Variants in TXNL1 observed in about 807,000 individuals in gnomAD.
The protein encoded by TXNL1 is thioredoxin-like protein 1.
Under a neutral mutation model 35.5 loss-of-function variants are expected in TXNL1, and 14 were observed. The ratio of observed to expected loss-of-function variants is 0.39; its 90% CI spans 0.26 to 0.62. TXNL1 has a LOEUF of 0.62. TXNL1 is among the 20% of genes least tolerant of loss of function. The pLI is 0.47. For missense variants in TXNL1, 263 were observed against 349.7 expected (o/e 0.75, Z 1.98); for synonymous variants, 110 against 115.5 (o/e 0.95, Z 0.31).
intron 1 of TXNL1, among the ~76,000 whole-genome samples, 185 bp from the exon 2 acceptor site, chr18:56,626,642 G>A (rs553116584): frequency 4.0e-5 from 6 of 151,214 alleles, no homozygotes; most frequent in African/African-American, 1.2e-4. Context: ...TACTCCAGGC[G>A]CCCACCACCA....
chr18:56,615,889 G>T (rs1433347724), intron 5 of TXNL1, among the ~76,000 whole-genome samples: 2 of 152,020 alleles, frequency 1.3e-5, no homozygotes, highest in African/African-American at 2.4e-5. Context: ...TAGCAGTCTG[G>T]GAGGCCAAGG....
chr18:56,634,322 G>C (rs1304730195), intron 1 of TXNL1, among the ~76,000 whole-genome samples: 1 of 152,136 alleles, frequency 6.6e-6, no homozygotes, highest in Non-Finnish European at 1.5e-5. Context: ...ATCAAGAACA[G>C]CACTTTATAA....
chr18:56,621,932 G>T (rs1256263521), intron 3 of TXNL1, among the ~76,000 whole-genome samples: 1 of 150,476 alleles, frequency 6.6e-6, no homozygotes, highest in Admixed American at 6.6e-5. Flanking sequence ...AGCGGCAGGG[G>T]CAGGGGCCAG....
At chr18:56,623,350 C>T (rs571798563) in intron 3 of TXNL1, among the ~76,000 whole-genome samples, 1 of 151,866 alleles carries the variant, frequency 6.6e-6, no homozygotes, top group Non-Finnish European at 1.5e-5. Context: ...ATAGCTTGAA[C>T]CCTGGAGGTG....
chr18:56,603,980 T>C (rs1023257135), intron 7 of TXNL1, among the ~76,000 whole-genome samples: 3 of 152,208 alleles, frequency 2.0e-5, no homozygotes, highest in African/African-American at 7.2e-5. Flanking sequence ...ATAAAGGTCA[T>C]CAGTACATGT....
At chr18:56,632,701 T>C (rs1326890336) in intron 1 of TXNL1, among the ~76,000 whole-genome samples, 2 of 152,232 alleles carry the variant, frequency 1.3e-5, no homozygotes, top group African/African-American at 4.8e-5. Flanking sequence ...TGATCTATAG[T>C]GTTAGAATTC....
At position 56,614,702 on chromosome 18, in the gene TXNL1, A is replaced by T. The variant is rs527345390; in HGVS notation, c.563-106T>A. ...CACAGACACACACAAATCAATACAC[A>T]TATACTTCAAATAACTCCATTATTA... is the stretch of plus-strand genomic sequence containing the variant. On this transcript the variant is annotated intron_variant, in intron 5 of 7. Transcript: ENST00000217515. 2.7e-4 allele frequency: 228 copies of T among 852,614 alleles called. No individual in the cohort carries two copies. The African/African-American group carries it at 3.5e-3, about 13-fold the overall frequency. 52.8% of individuals were successfully genotyped at this position (852,614 alleles called of 1,614,324 possible). A position where few individuals can be genotyped will look rare whatever the true frequency, so the allele number is the denominator to read the frequency against.
chr18:56,627,085 A>G (rs1222627441), intron 1 of TXNL1, among the ~76,000 whole-genome samples: 1 of 151,772 alleles, frequency 6.6e-6, no homozygotes, highest in Non-Finnish European at 1.5e-5. Flanking sequence ...AAGTGCAGAC[A>G]TTACAGGCAT....
intron 1 of TXNL1, among the ~76,000 whole-genome samples, chr18:56,631,378 A>G (rs895920851): frequency 1.3e-5 from 2 of 152,108 alleles, no homozygotes; most frequent in Non-Finnish European, 2.9e-5. Context: ...TTTCTCTTGC[A>G]CACACCTTGA....
intron 1 of TXNL1, among the ~76,000 whole-genome samples, chr18:56,638,056 C>T (rs2024485243): frequency 6.6e-6 from 1 of 152,120 alleles, no homozygotes; most frequent in Non-Finnish European, 1.5e-5. Flanking sequence ...GGAATAGGGG[C>T]GGGCCACCCC....
intron 7 of TXNL1, among the ~76,000 whole-genome samples, chr18:56,606,497 C>T (rs552685059): frequency 6.6e-6 from 1 of 152,314 alleles, no homozygotes; most frequent in Non-Finnish European, 1.5e-5. Flanking sequence ...AATCCTCCAC[C>T]TTCCTAAGTT....
chr18:56,621,401 C>T (rs2024182121), intron 3 of TXNL1, among the ~76,000 whole-genome samples: 1 of 151,886 alleles, frequency 6.6e-6, no homozygotes, highest in Admixed American at 6.6e-5. Flanking sequence ...CTGATGTTGG[C>T]CAGGCTGGTC....
Position 56,614,528 on chromosome 18 carries a change from T to C in TXNL1, c.631A>G (p.Arg211Gly), listed in dbSNP as rs1042655973. 6.2e-7 allele frequency: 1 copy of C among 1,613,888 alleles called. No homozygotes were observed. The highest frequency in any genetic ancestry group is 1.3e-5 in the African/African-American group (1 of 74,934). ...TCCAGAGCTTGAGTTGGTTCACTTC[T>C]TTCTGCCTCTTCAAAATCCATAGAT... ...PRSMDFEEAE[R>G]SEPTQALELT... The change falls in exon 6 of 8, where the codon AGA becomes GGA. Residue 211 changes from arginine (R) to glycine (G), a missense_variant. Physicochemically the swap from Arg to Gly is moderately radical, Grantham distance 125. Transcript: ENST00000217515.
chr18:56,603,595 G>GA (rs1229839849), intron 7 of TXNL1, among the ~76,000 whole-genome samples: 2 of 152,044 alleles, frequency 1.3e-5, no homozygotes, highest in Non-Finnish European at 2.9e-5. Context: ...TATTAAAAAT[G>GA]AAATGAATAA....
At chr18:56,621,100 G>A (rs1033705098) in intron 3 of TXNL1, among the ~76,000 whole-genome samples, 2 of 152,082 alleles carry the variant, frequency 1.3e-5, no homozygotes, top group Non-Finnish European at 2.9e-5. Flanking sequence ...CAACATTACA[G>A]TCAGACTTGC....
At chr18:56,607,273 C>G (rs773212171) in intron 7 of TXNL1, among the ~76,000 whole-genome samples, 5 of 151,920 alleles carry the variant, frequency 3.3e-5, no homozygotes, top group Non-Finnish European at 7.4e-5. Context: ...CCACCTCAGC[C>G]TCCCAAGTAG....
At chr18:56,623,729 T>G (rs2024229321) in intron 3 of TXNL1, among the ~76,000 whole-genome samples, 1 of 152,096 alleles carries the variant, frequency 6.6e-6, no homozygotes, top group Non-Finnish European at 1.5e-5. Context: ...TTGAAATAAC[T>G]TACTCTTAAA....
At chr18:56,605,254 G>A (rs1182282562) in intron 7 of TXNL1, 3 of 152,178 alleles carry the variant, frequency 2.0e-5, no homozygotes, top group Non-Finnish European at 4.4e-5. Flanking sequence ...AACATGGGAA[G>A]GGTGAGAGCA....
intron 5 of TXNL1, among the ~76,000 whole-genome samples, chr18:56,616,028 A>G (rs1435799011): frequency 7.3e-5 from 11 of 151,536 alleles, no homozygotes; most frequent in Admixed American, 6.6e-4. Flanking sequence ...GCTACCTGGG[A>G]GGCAGAGGTG....
Sources: gnomAD v4.1 joint callset for allele counts (sites outside exome capture counted in the v4.1 genomes callset) on GRCh38, gnomAD v4.1.1 for gene constraint, MANE v1.5 for transcripts, NCBI Gene and HGNC (gene_info 2026-07-23, HGNC 2026-07-21) for gene names.